The following ABTB3 variants were observed in gnomAD, a reference collection of about 807,000 sequenced individuals.
The protein encoded by ABTB3 is ankyrin repeat and BTB domain containing 3.
chr12:107,411,276 G>A, the ABTB3 span, among the ~76,000 whole-genome samples: 1 of 152,198 alleles, frequency 6.6e-6, no homozygotes, highest in Non-Finnish European at 1.5e-5. Context: ...CTCCAGCCTG[G>A]CAACAGAGCG....
At chr12:107,557,798 T>G in the ABTB3 span, among the ~76,000 whole-genome samples, 1 of 152,350 alleles carries the variant, frequency 6.6e-6, no homozygotes, top group Admixed American at 6.5e-5. Flanking sequence ...GATAGCTAAT[T>G]TGCCCAAGAT....
the ABTB3 span, among the ~76,000 whole-genome samples, chr12:107,473,200 G>C: frequency 6.6e-6 from 1 of 152,120 alleles, no homozygotes; most frequent in Non-Finnish European, 1.5e-5. Context: ...CATCAAATGC[G>C]TACAGCCCAG....
chr12:107,581,296 C>G, the ABTB3 span: 1 of 1,416,464 alleles, frequency 7.1e-7, no homozygotes, highest in African/African-American at 1.5e-5. Context: ...GCGAGCCGCG[C>G]CAGCTCAGGT....
At chr12:107,337,378 C>A in the ABTB3 span, among the ~76,000 whole-genome samples, 1 of 152,240 alleles carries the variant, frequency 6.6e-6, no homozygotes, top group Admixed American at 6.5e-5. Context: ...CAGTTGGTGC[C>A]TCTACGATGC....
chr12:107,491,865 C>G, the ABTB3 span, among the ~76,000 whole-genome samples: 1 of 150,846 alleles, frequency 6.6e-6, no homozygotes, highest in African/African-American at 2.4e-5. Flanking sequence ...CAGGCGTCAG[C>G]CTGTTGGGAT....
the ABTB3 span, among the ~76,000 whole-genome samples, chr12:107,345,160 T>C: frequency 6.6e-6 from 1 of 152,148 alleles, no homozygotes; most frequent in Non-Finnish European, 1.5e-5. Context: ...CTTTTCAGGG[T>C]ATTTAGTGCA....
the ABTB3 span, among the ~76,000 whole-genome samples, chr12:107,343,936 C>T: frequency 1.3e-5 from 2 of 152,194 alleles, no homozygotes; most frequent in Non-Finnish European, 2.9e-5. Flanking sequence ...AGGTGCCTCC[C>T]TTGACTCCTG....
chr12:107,610,067 G>C, the ABTB3 span: 5 of 1,151,062 alleles, frequency 4.3e-6, no homozygotes, highest in Non-Finnish European at 6.3e-6. Context: ...TTTAATTGGA[G>C]CCTAGGAACA....
chr12:107,649,279 G>A, the ABTB3 span: 1 of 1,611,972 alleles, frequency 6.2e-7, no homozygotes, highest in Non-Finnish European at 8.5e-7. Flanking sequence ...ATGGAGGTAA[G>A]GGATCCATTG....
the ABTB3 span, among the ~76,000 whole-genome samples, chr12:107,644,421 C>G: frequency 2.0e-5 from 3 of 152,178 alleles, no homozygotes; most frequent in South Asian, 4.1e-4. Flanking sequence ...CGGTCTCCCC[C>G]ACCTTCTCCC....
At chr12:107,367,789 G>A in the ABTB3 span, among the ~76,000 whole-genome samples, 1 of 152,048 alleles carries the variant, frequency 6.6e-6, no homozygotes, top group Non-Finnish European at 1.5e-5. Flanking sequence ...ACAGGGGTGA[G>A]CCACCACTCC....
At chr12:107,330,014 A>AAGTGAGGCTTG in the ABTB3 span, among the ~76,000 whole-genome samples, 1 of 152,104 alleles carries the variant, frequency 6.6e-6, no homozygotes, top group Non-Finnish European at 1.5e-5. Flanking sequence ...GGAAATGGGG[A>AAGTGAGGCTTG]AGTGAGGCTT....
At chr12:107,591,356 C>T in the ABTB3 span, among the ~76,000 whole-genome samples, 1 of 152,158 alleles carries the variant, frequency 6.6e-6, no homozygotes, top group East Asian at 1.9e-4. Context: ...ACAGTCTGTA[C>T]AGGAAGCATG....
At chr12:107,426,361 G>T in the ABTB3 span, among the ~76,000 whole-genome samples, 1 of 152,110 alleles carries the variant, frequency 6.6e-6, no homozygotes, top group Non-Finnish European at 1.5e-5. Flanking sequence ...CCAGCCCATT[G>T]GGCTGCCCTC....
the ABTB3 span, among the ~76,000 whole-genome samples, chr12:107,519,262 C>A: frequency 1.3e-5 from 2 of 152,020 alleles, no homozygotes; most frequent in Non-Finnish European, 2.9e-5. Context: ...TCTTTTTCCA[C>A]CTTCAGATCT....
chr12:107,445,983 TAGATA>T, the ABTB3 span, among the ~76,000 whole-genome samples: 4 of 150,312 alleles, frequency 2.7e-5, no homozygotes, highest in African/African-American at 9.7e-5. Context: ...TTGGCCCATC[TAGATA>T]ATCCAGAATA....
the ABTB3 span, among the ~76,000 whole-genome samples, chr12:107,526,625 C>G: frequency 6.6e-6 from 1 of 152,006 alleles, no homozygotes; most frequent in East Asian, 1.9e-4. Flanking sequence ...TGTTTGCTTT[C>G]TGTTGTTTAA....
chr12:107,483,185 G>A, the ABTB3 span, among the ~76,000 whole-genome samples: 6 of 151,708 alleles, frequency 4.0e-5, no homozygotes, highest in East Asian at 1.9e-4. Flanking sequence ...GCACCATCAC[G>A]CCCCACTAAT....
At chr12:107,512,901 C>T in the ABTB3 span, among the ~76,000 whole-genome samples, 1 of 152,070 alleles carries the variant, frequency 6.6e-6, no homozygotes, top group Non-Finnish European at 1.5e-5. Context: ...TTAATATTAC[C>T]ATTTTACAGA....
Sources: gnomAD v4.1 joint callset for allele counts (sites outside exome capture counted in the v4.1 genomes callset) on GRCh38, gnomAD v4.1.1 for gene constraint, MANE v1.5 for transcripts, NCBI Gene and HGNC (gene_info 2026-07-23, HGNC 2026-07-21) for gene names.